Variants in DHX34 observed in about 807,000 individuals in gnomAD.
DHX34 encodes probable ATP-dependent RNA helicase DHX34.
Under a neutral mutation model 111.1 loss-of-function variants are expected in DHX34, and 96 were observed. That is an observed-to-expected ratio of 0.86 (90% CI 0.73 to 1.02). DHX34 has a LOEUF of 1.02. Among genes scored for constraint, DHX34 ranks in the 50% least tolerant of loss-of-function variants. The pLI is 0.00. For synonymous variants in DHX34, 688 were observed against 670.4 expected (o/e 1.03, Z -0.41); for missense variants, 1,560 against 1,579.9 (o/e 0.99, Z 0.21).
At chr19:47,376,224 C>A in intron 11 of DHX34, 127 bp downstream of exon 11, 1 of 1,440,008 alleles carries the variant, frequency 6.9e-7, no homozygotes. Flanking sequence ...GCTCACAACC[C>A]AGTGGGAGGA....
chr19:47,375,141 G>A (rs1173967773), intron 9 of DHX34, among the ~76,000 whole-genome samples: 3 of 152,320 alleles, frequency 2.0e-5, no homozygotes, highest in African/African-American at 4.8e-5. Flanking sequence ...AGTGCAGGAC[G>A]CCCACCAGGG....
chr19:47,377,904 C>T (rs1422260917), intron 13 of DHX34, among the ~76,000 whole-genome samples: 2 of 152,254 alleles, frequency 1.3e-5, no homozygotes, highest in East Asian at 3.9e-4. Context: ...GGCCCCATGG[C>T]AGCCACTGCC....
chr19:47,379,676 AC>A, intron 13 of DHX34, 33 bp from the exon 14 acceptor site: 1 of 1,567,654 alleles, frequency 6.4e-7, no homozygotes, highest in Non-Finnish European at 8.7e-7. Context: ...TGCCCCTCCC[AC>A]CTACTCCCTG....
rs765288719 is a variant in DHX34, at chr19:47,362,566, AGGGCCGGGCGGGCCGCAC to A, written c.1472_1489del (p.Arg491_Gly496del). On this transcript the variant is annotated inframe_deletion, in exon 6 of 17. Coordinates refer to ENST00000328771, the MANE Select transcript of DHX34 (RefSeq NM_014681.6). ...AGTCAGGCCAGCGCAGAGCAGCGGA[AGGGCCGGGCGGGCCGCAC>A]GGGCCCCGGAGTCTGCTTCCGCCTC... 2.5e-6 allele frequency: 4 copies of A among 1,613,294 alleles called. No individual in the cohort carries two copies. The highest frequency in any genetic ancestry group is 1.7e-5 in the Admixed American group (1 of 59,916).
At position 47,367,125 on chromosome 19, in the gene DHX34, C is replaced by G. The variant is rs751165959; in HGVS notation, c.1738C>G (p.Leu580Val). ...SEALTPIGSLLAQLPVDVVIG... is the reference protein window; with the variant it reads ...SEALTPIGSLVAQLPVDVVIG... ...GGCCCTCACACCCATTGGGTCCCTG[C>G]TAGCCCAGCTGCCTGTGGACGTTGT... is the stretch of plus-strand genomic sequence containing the variant. Residue 580 changes from leucine to valine, a missense_variant, in exon 7 of 17, where the codon CTA (leucine) becomes GTA (valine). By Grantham distance (32) the Leu-to-Val change is conservative. Transcript: ENST00000328771. 5 of 1,574,436 alleles carry G rather than the reference C, an allele frequency of 3.2e-6. No individual in the cohort carries two copies. The highest frequency in any genetic ancestry group is 3.7e-5 in the Admixed American group (2 of 54,190).
At position 47,355,269 on chromosome 19, in the gene DHX34, C is replaced by T. The variant is rs138629177; in HGVS notation, c.936C>T (p.Ala312=). The change falls in exon 3 of 17, where the codon GCC becomes GCT. Residue 312 remains alanine, a synonymous_variant. Transcript: ENST00000328771. The part of the protein sequence containing the change: ...RPDLKVILMS[A]TINISLFSSY... Reference sequence around the variant, plus strand: ...ACCTCAAGGTCATCCTCATGTCGGCCACCATCAACATCTCGCTCTTCTCCA... The same window carrying T: ...ACCTCAAGGTCATCCTCATGTCGGCTACCATCAACATCTCGCTCTTCTCCA... The T allele has an allele frequency of 2.5e-5, 40 of 1,614,050 alleles. No individual in the cohort carries two copies. The highest frequency in any genetic ancestry group is 3.2e-5 in the Non-Finnish European group (38 of 1,180,044).
Position 47,353,311 on chromosome 19 carries a change from C to G in DHX34, c.281C>G (p.Ala94Gly), listed in dbSNP as rs755956510. Residue 94 changes from alanine (A) to glycine (G), a missense_variant, in exon 2 of 17, where the codon GCC (alanine) becomes GGC (glycine). Ala to Gly is a moderately conservative substitution (Grantham distance 60). Transcript: ENST00000328771. This position sits in a 1 kb window ranked among gnomAD's most constrained non-coding sequence, Gnocchi z 4.6. ...CCCAAGCACAGCATCCCAGCGCTGGCCGACCTACCTCGCACTTACGACCCA... is the reference window on the plus strand; with the variant it reads ...CCCAAGCACAGCATCCCAGCGCTGGGCGACCTACCTCGCACTTACGACCCA... ...GQPKHSIPAL[A>G]DLPRTYDPRY... 6.2e-6 allele frequency: 10 copies of G among 1,614,046 alleles called. No individual in the cohort carries two copies. Among genetic ancestry groups the G allele is most frequent in the Non-Finnish European group, 7.6e-6 (9 of 1,180,030 alleles).
intron 8 of DHX34, among the ~76,000 whole-genome samples, 177 bp downstream of exon 8, chr19:47,373,100 A>G (rs543280946): frequency 6.6e-6 from 1 of 152,352 alleles, no homozygotes; most frequent in East Asian, 1.9e-4. Flanking sequence ...CTTTCGGCTC[A>G]GGACAGCATG....
At position 47,380,841 on chromosome 19, in the gene DHX34, C is replaced by T; in HGVS notation, c.3008C>T (p.Thr1003Ile). ...SKIPYSLRRL[T>I]GLEVQNMYVG... ...ATTCCTTACAGCCTCCGGCGGCTCA[C>T]AGGGCTAGAAGTCCAGAACATGTAT... Residue 1003 changes from threonine to isoleucine, a missense_variant, in exon 15 of 17, where the codon ACA (threonine) becomes ATA (isoleucine). Thr to Ile is a moderately conservative substitution (Grantham distance 89). Transcript: ENST00000328771. The T allele has an allele frequency of 6.2e-7, 1 of 1,613,968 alleles. No homozygotes were observed.
intron 3 of DHX34, among the ~76,000 whole-genome samples, chr19:47,357,446 G>A (rs1969489730): frequency 6.6e-6 from 1 of 151,832 alleles, no homozygotes; most frequent in South Asian, 2.1e-4. Flanking sequence ...TCTGTCACCT[G>A]ACTGTTTCTC....
intron 6 of DHX34, among the ~76,000 whole-genome samples, chr19:47,364,561 G>A (rs998071258): frequency 1.3e-5 from 2 of 151,922 alleles, no homozygotes; most frequent in African/African-American, 4.8e-5. Flanking sequence ...AGGCAACACG[G>A]TGAGGCCCTG....
Position 47,376,438 on chromosome 19 carries a change from C to T in DHX34, c.2482-5C>T, listed in dbSNP as rs373422732. 5.7e-4 allele frequency: 918 copies of T among 1,610,548 alleles called. 11 individuals are homozygous for T. The South Asian group carries it at 7.2e-3, about 13-fold the overall frequency. On this transcript the variant is annotated splice_polypyrimidine_tract_variant and splice_region_variant and intron_variant, in intron 11 of 16. Transcript: ENST00000328771. ...GGGCTTGTGCTTTCTCTCTGTCCTC[C>T]GCAGATTTTCCACACGCAGGCCAAG... is the stretch of plus-strand genomic sequence containing the variant.
chr19:47,376,546 G>T lies in DHX34; in HGVS notation c.2585G>T (p.Cys862Phe), dbSNP rs965347569. ...LHAQELEASN[C>F]DGSRDDKDKM... ...GCACAGGAGCTGGAGGCCAGCAACT[G>T]CGACGGAAGCCGAGGTACAGTGAGC... Residue 862 changes from cysteine to phenylalanine, a missense_variant, in exon 12 of 17, where the codon TGC becomes TTC. By Grantham distance (205) the Cys-to-Phe change is radical (BLOSUM62 -2). Transcript: ENST00000328771. 35 of 1,564,958 alleles carry T rather than the reference G, an allele frequency of 2.2e-5. No individual in the cohort carries two copies. The highest frequency in any genetic ancestry group is 3.0e-5 in the Non-Finnish European group (35 of 1,155,470).
At chr19:47,362,976 A>C (rs1438752387) in intron 6 of DHX34, among the ~76,000 whole-genome samples, 1 of 151,830 alleles carries the variant, frequency 6.6e-6, no homozygotes, top group Non-Finnish European at 1.5e-5. Flanking sequence ...TTTGAGACGG[A>C]GTCTCCCTCT....
chr19:47,359,496 G>A (rs1169365788), intron 4 of DHX34, among the ~76,000 whole-genome samples: 1 of 151,550 alleles, frequency 6.6e-6, no homozygotes, highest in Non-Finnish European at 1.5e-5. Flanking sequence ...TGTTCAGGTC[G>A]GGGGAGCAGG....
chr19:47,377,264 G>C, intron 13 of DHX34, 58 bp downstream of exon 13: 2 of 1,547,170 alleles, frequency 1.3e-6, no homozygotes, highest in Non-Finnish European at 1.8e-6. Flanking sequence ...GTTGCCCAGG[G>C]TGGTGGGTGG....
intron 7 of DHX34, among the ~76,000 whole-genome samples, chr19:47,367,387 C>T (rs1416282496): frequency 6.6e-6 from 1 of 152,174 alleles, no homozygotes; most frequent in African/African-American, 2.4e-5. Flanking sequence ...ACCAGCAATA[C>T]ATTAGGACAA....
intron 5 of DHX34, 85 bp from the exon 6 acceptor site, chr19:47,362,391 G>T (rs1434448689): frequency 2.8e-6 from 4 of 1,407,684 alleles, no homozygotes; most frequent in African/African-American, 1.5e-5. Context: ...AAGTGAGGGT[G>T]TTGGCGAGTG....
chr19:47,376,844 A>C, intron 12 of DHX34: 1 of 1,531,402 alleles, frequency 6.5e-7, no homozygotes, highest in Non-Finnish European at 8.7e-7. Context: ...GGACTCTGTG[A>C]GCTCCCAGGT....
Sources: allele counts gnomAD v4.1 joint callset (sites outside exome capture counted in the v4.1 genomes callset), GRCh38; gene constraint gnomAD v4.1.1; non-coding constraint Gnocchi (gnomAD v3.1); transcripts MANE v1.5; gene names NCBI Gene and HGNC (gene_info 2026-07-23, HGNC 2026-07-21).